Variants in INTS6 observed in about 807,000 individuals in gnomAD.
INTS6 encodes DEAD box protein.
INTS6 carries 16 observed loss-of-function variants against 104.9 expected under a neutral mutation model. That is an observed-to-expected ratio of 0.15 (90% CI 0.10 to 0.23). The LOEUF (loss-of-function observed/expected upper bound fraction) is 0.23, where lower values mean the gene tolerates loss of function less well. Among genes scored for constraint, INTS6 ranks in the 10% least tolerant of loss-of-function variants. INTS6 has a pLI of 1.00. For synonymous variants in INTS6, 324 were observed against 358.7 expected (o/e 0.90, Z 1.09); for missense variants, 584 against 1,062.8 (o/e 0.55, Z 6.26).
downstream of INTS6, among the ~76,000 whole-genome samples, chr13:51,359,955 T>A (rs943114865): frequency 4.6e-5 from 7 of 152,092 alleles, no homozygotes; most frequent in African/African-American, 1.7e-4. Context: ...CACTAGTGAA[T>A]GTTTCTATTG....
At chr13:51,351,734 A>T (rs1250375941), downstream of INTS6, among the ~76,000 whole-genome samples, 2 of 152,058 alleles carry the variant, frequency 1.3e-5, no homozygotes, top group African/African-American at 4.8e-5. Context: ...ACAAAAATTT[A>T]GGTGTATGTT....
chr13:51,394,079 GA>G (rs1390120726), intron 5 of INTS6, among the ~76,000 whole-genome samples: 1 of 150,930 alleles, frequency 6.6e-6, no homozygotes, highest in Non-Finnish European at 1.5e-5. Context: ...TTCAAAGCTG[GA>G]AACTAAAATT....
intron 3 of INTS6, chr13:51,449,994 G>A (rs1161758198): frequency 1.0e-6 from 1 of 985,080 alleles, no homozygotes; most frequent in African/African-American, 1.7e-5. Context: ...TCCCTAAGAA[G>A]CTTAAAATTT....
At chr13:51,413,982 C>T (rs1956736859) in intron 4 of INTS6, among the ~76,000 whole-genome samples, 1 of 152,200 alleles carries the variant, frequency 6.6e-6, no homozygotes, top group Non-Finnish European at 1.5e-5. Context: ...TAACTGGACT[C>T]ACAGCCACCC....
the INTS6 span, among the ~76,000 whole-genome samples, chr13:51,340,389 T>C: frequency 6.6e-6 from 1 of 152,248 alleles, no homozygotes; most frequent in African/African-American, 2.4e-5. Context: ...TTTTAGAGAC[T>C]AATTTGCATC....
intron 4 of INTS6, among the ~76,000 whole-genome samples, chr13:51,404,003 G>A (rs566811547): frequency 6.6e-6 from 1 of 151,350 alleles, no homozygotes; most frequent in Admixed American, 6.6e-5. Flanking sequence ...AGGCAGGATT[G>A]CATGAGGCCA....
At chr13:51,375,465 G>C (rs1325403017) in intron 13 of INTS6, among the ~76,000 whole-genome samples, 1 of 118,950 alleles carries the variant, frequency 8.4e-6, no homozygotes, top group Admixed American at 9.2e-5. Flanking sequence ...GAAAATGGAA[G>C]TACAGTATGG....
chr13:51,374,223 G>C lies in INTS6; in HGVS notation c.2089C>G (p.Leu697Val), dbSNP rs1233831207. Residue 697 changes from leucine to valine, a missense_variant, in exon 15 of 18, where the codon CTT (leucine) becomes GTT (valine). Coordinates refer to ENST00000311234, the MANE Select transcript of INTS6 (RefSeq NM_012141.3). ...CAATTCTTACTTTTATGAAGAGGAA[G>C]AGGTTTAATAAGATCTGGCTGTGCT... ...TQAQPDLIKPLPLHKISETTN... is the reference protein window; with the variant it reads ...TQAQPDLIKPVPLHKISETTN... 6.2e-7 allele frequency: 1 copy of C among 1,612,762 alleles called. No individual in the cohort carries two copies. The highest frequency in any genetic ancestry group is 2.2e-5 in the East Asian group (1 of 44,854).
At chr13:51,399,723 CGT>C (rs1255845541) in intron 4 of INTS6, among the ~76,000 whole-genome samples, 7 of 117,322 alleles carry the variant, frequency 6.0e-5, no homozygotes, top group African/African-American at 1.8e-4. Flanking sequence ...TGTGTGTGTG[CGT>C]GTGTGTGCGT....
chr13:51,451,704 G>A (rs535251807), intron 2 of INTS6: 4 of 185,608 alleles, frequency 2.2e-5, no homozygotes, highest in East Asian at 1.5e-4. Flanking sequence ...GGGAAATGTC[G>A]GCCATGTTGA....
At chr13:51,400,533 T>C (rs1409477434) in intron 4 of INTS6, among the ~76,000 whole-genome samples, 4 of 152,142 alleles carry the variant, frequency 2.6e-5, no homozygotes, top group Non-Finnish European at 4.4e-5. Flanking sequence ...CCCAAATGGA[T>C]ATCCAATTGA....
chr13:51,379,438 G>T, intron 11 of INTS6, 24 bp downstream of exon 11: 1 of 1,387,322 alleles, frequency 7.2e-7, no homozygotes. Context: ...ATACTTAATG[G>T]CTCACTCTAT....
chr13:51,348,441 T>C, the INTS6 span: 1 of 1,593,612 alleles, frequency 6.3e-7, no homozygotes, highest in African/African-American at 1.3e-5. Context: ...TCACAGGTGC[T>C]GTGCAGCCAG....
chr13:51,355,085 T>C, intron 3 of INTS6: 1 of 1,551,808 alleles, frequency 6.4e-7, no homozygotes, highest in Non-Finnish European at 8.7e-7. Context: ...GCATTTTAAA[T>C]TCTTGGGGAG....
intron 6 of INTS6, among the ~76,000 whole-genome samples, chr13:51,388,385 T>G (rs1403752950): frequency 6.6e-6 from 1 of 151,724 alleles, no homozygotes; most frequent in African/African-American, 2.4e-5. Flanking sequence ...TTTTTTTTGT[T>G]TTTGTTTTTG....
intron 6 of INTS6, among the ~76,000 whole-genome samples, chr13:51,387,831 A>G (rs74614117): frequency 0.011 from 1,731 of 152,294 alleles, 25 homozygotes; most frequent in East Asian, 0.07. Flanking sequence ...TTTACGGTGA[A>G]TATCTGTTTG....
chr13:51,452,246 C>T lies in INTS6; in HGVS notation c.111+169G>A. On this transcript the variant is annotated intron_variant, in intron 1 of 17. Transcript: ENST00000311234. This position sits in a 1 kb window ranked among gnomAD's most constrained non-coding sequence, Gnocchi z 4.2. Reference sequence around the variant, plus strand: ...CCGGGGCCGGAGCCCGGGCCCCGGCCGAACCCGGCTCGCAGCGCCCGCCCG... The same window carrying T: ...CCGGGGCCGGAGCCCGGGCCCCGGCTGAACCCGGCTCGCAGCGCCCGCCCG... 4.1e-6 allele frequency: 3 copies of T among 733,872 alleles called. No homozygotes were observed. The highest frequency in any genetic ancestry group is 1.9e-5 in the African/African-American group (1 of 53,268). 45.5% of individuals were successfully genotyped at this position (733,872 alleles called of 1,614,324 possible).
downstream of INTS6, chr13:51,361,204 T>C (rs542384376): frequency 6.2e-6 from 6 of 964,862 alleles, no homozygotes; most frequent in African/African-American, 8.1e-5. Context: ...AAGTACATTT[T>C]TAAAGAATGT....
At chr13:51,445,051 A>G (rs1409783105) in intron 3 of INTS6, 1 of 152,130 alleles carries the variant, frequency 6.6e-6, no homozygotes, top group Non-Finnish European at 1.5e-5. Flanking sequence ...TACCCAACAT[A>G]TGTGCTCCTA....
Sources: allele counts gnomAD v4.1 joint callset (sites outside exome capture counted in the v4.1 genomes callset), GRCh38; gene constraint gnomAD v4.1.1; non-coding constraint Gnocchi (gnomAD v3.1); transcripts MANE v1.5; gene names NCBI Gene and HGNC (gene_info 2026-07-23, HGNC 2026-07-21).